ZNF808: variants seen among roughly 807,000 people sequenced by gnomAD.
The protein encoded by ZNF808 is zinc finger protein 808.
A neutral mutation model predicts 8.7 loss-of-function variants in ZNF808; 5 were observed. That is an observed-to-expected ratio of 0.58 (90% CI 0.30 to 1.21). ZNF808 has a LOEUF of 1.21. Among genes scored for constraint, ZNF808 ranks in the 50% most tolerant of loss-of-function variants. The pLI is 0.07. For synonymous variants in ZNF808, 380 were observed against 366.0 expected (o/e 1.04, Z -0.44); for missense variants, 1,103 against 1,098.4 (o/e 1.00, Z -0.06).
intron 4 of ZNF808, among the ~76,000 whole-genome samples, chr19:52,551,467 C>T (rs1025869436): frequency 1.6e-4 from 24 of 151,832 alleles, no homozygotes; most frequent in African/African-American, 5.8e-4. Flanking sequence ...TGACCTCATA[C>T]ATCAGAAGGT....
In ZNF808 at chr19:52,555,350, A is replaced by C. The variant is rs775815648; in HGVS notation, c.2434A>C (p.Ile812Leu). The change falls in exon 5 of 5, where the codon ATT (isoleucine) becomes CTT (leucine). Residue 812 changes from isoleucine (I) to leucine (L), a missense_variant. Transcript: ENST00000359798. Reference protein sequence around the residue: ...RNSYLARHIRIHTAEKPYKCN... With the variant: ...RNSYLARHIRLHTAEKPYKCN... ...TTCATACCTGGCAAGACATATTAGA[A>C]TTCACACTGCAGAGAAACCTTACAA... 6.2e-7 allele frequency: 1 copy of C among 1,614,198 alleles called. No individual in the cohort carries two copies. The highest frequency in any genetic ancestry group is 8.5e-7 in the Non-Finnish European group (1 of 1,180,034).
intron 2 of ZNF808, among the ~76,000 whole-genome samples, chr19:52,539,205 A>G (rs983507899): frequency 3.5e-4 from 14 of 39,676 alleles, no homozygotes; most frequent in African/African-American, 1.3e-3. Flanking sequence ...TTTTTTTTTT[A>G]ATTTTTGAGA....
At chr19:52,551,722 A>C (rs1011714320) in intron 4 of ZNF808, among the ~76,000 whole-genome samples, 3 of 152,136 alleles carry the variant, frequency 2.0e-5, no homozygotes, top group Non-Finnish European at 4.4e-5. Context: ...ACAAAGTGCC[A>C]CCAGGTGCAG....
chr19:52,540,659 C>G (rs2059661638), intron 2 of ZNF808, among the ~76,000 whole-genome samples: 1 of 152,090 alleles, frequency 6.6e-6, no homozygotes, highest in African/African-American at 2.4e-5. Flanking sequence ...TCAATTCCCT[C>G]TGGTCCATAA....
At chr19:52,547,376 C>G in intron 3 of ZNF808, 136 bp from the exon 4 acceptor site, 1 of 1,517,924 alleles carries the variant, frequency 6.6e-7, no homozygotes, top group South Asian at 1.3e-5. Context: ...AAAAAATAGT[C>G]AAAAATACCT....
intron 4 of ZNF808, among the ~76,000 whole-genome samples, chr19:52,552,403 A>C (rs2059786175): frequency 1.3e-5 from 2 of 149,204 alleles, no homozygotes; most frequent in Admixed American, 6.7e-5. Context: ...TATTGTACTA[A>C]CTTTTTTCTT....
At chr19:52,543,404 GTATTA>G (rs1177848003) in intron 3 of ZNF808, 57 bp downstream of exon 3, 73 of 1,587,184 alleles carry the variant, frequency 4.6e-5, no homozygotes, top group South Asian at 9.0e-5. Flanking sequence ...AAATGTAGTA[GTATTA>G]TATTGTATTG....
In ZNF808 at chr19:52,543,264, A is replaced by C; in HGVS notation, c.-19-2A>C. ...TGAAGTCTTATTTTTTTTCACATAC[A>C]GGATTGATTTCTAAAGACTCATGTT... On this transcript the variant is annotated splice_acceptor_variant, in intron 2 of 4. Transcript: ENST00000359798. LOFTEE classifies it low-confidence loss of function (5UTR_SPLICE). The C allele has an allele frequency of 6.2e-7, 1 of 1,612,066 alleles. No homozygotes were observed. Among genetic ancestry groups the C allele is most frequent in the African/African-American group, 1.3e-5 (1 of 74,888 alleles).
At chr19:52,540,355 G>A (rs1442611169) in intron 2 of ZNF808, among the ~76,000 whole-genome samples, 1 of 151,988 alleles carries the variant, frequency 6.6e-6, no homozygotes, top group Non-Finnish European at 1.5e-5. Flanking sequence ...TTCTCCTTTG[G>A]CCCAAGATTT....
intron 2 of ZNF808, among the ~76,000 whole-genome samples, chr19:52,542,588 G>C (rs1424651328): frequency 1.2e-5 from 1 of 81,214 alleles, no homozygotes; most frequent in African/African-American, 1.1e-4. Context: ...ATCTTACAGA[G>C]ATCTCAGTTA....
rs1170359401 is a variant in ZNF808 at position 52,553,707 on chromosome 19, G to A, written c.791G>A (p.Cys264Tyr). Residue 264 changes from cysteine to tyrosine, a missense_variant, in exon 5 of 5, where the codon TGT (cysteine) becomes TAT (tyrosine). By Grantham distance (194) the Cys-to-Tyr change is radical. Coordinates refer to ENST00000359798, the MANE Select transcript of ZNF808 (RefSeq NM_001039886.4). ...GACAAACAATATAAATGTGATGTAT[G>A]TGGCAAGCTCTTTAATCACAAGCAA... ...LGDKQYKCDV[C>Y]GKLFNHKQYL... 2 of 1,614,128 alleles carry A rather than the reference G, an allele frequency of 1.2e-6. No individual in the cohort carries two copies. Among genetic ancestry groups the A allele is most frequent in the Admixed American group, 3.3e-5 (2 of 60,008 alleles).
At position 52,554,784 on chromosome 19, in the gene ZNF808, A is replaced by G; in HGVS notation, c.1868A>G (p.Tyr623Cys). Residue 623 changes from tyrosine (Y) to cysteine (C), a missense_variant, in exon 5 of 5, where the codon TAC becomes TGC. Tyr to Cys is a radical substitution (Grantham distance 194). Transcript: ENST00000359798. Reference sequence around the variant, plus strand: ...AGAATTCATACTGGAGAGAAACCATACAGATGTCAGGTTTGTGACACAGCT... The same window carrying G: ...AGAATTCATACTGGAGAGAAACCATGCAGATGTCAGGTTTGTGACACAGCT... ...HKRIHTGEKP[Y>C]RCQVCDTAFT... is the part of the protein sequence containing the mutation. The G allele has an allele frequency of 6.2e-7, 1 of 1,613,898 alleles. No homozygotes were observed. The highest frequency in any genetic ancestry group is 8.5e-7 in the Non-Finnish European group (1 of 1,179,950).
At chr19:52,559,892 C>T (rs372515464), downstream of ZNF808, among the ~76,000 whole-genome samples, 82 of 152,116 alleles carry the variant, frequency 5.4e-4, no homozygotes, top group Admixed American at 1.4e-3. Context: ...ACGCTTGTAA[C>T]GGCATGATGT....
At chr19:52,559,309 T>A (rs1045201910), downstream of ZNF808, among the ~76,000 whole-genome samples, 1 of 152,030 alleles carries the variant, frequency 6.6e-6, no homozygotes, top group Non-Finnish European at 1.5e-5. Flanking sequence ...GCAGTACTGC[T>A]CTTTAAGGCA....
chr19:52,535,286 G>A lies in ZNF808; in HGVS notation c.-20+2277G>A, dbSNP rs575351251. Among the ~76,000 whole-genome samples the A allele has an allele frequency of 5.9e-5, 8 of 136,534 alleles. No individual in the cohort carries two copies. In the East Asian group the frequency reaches 1.3e-3, roughly 23 times the overall value. 89.6% of individuals were successfully genotyped at this position (136,534 alleles called of 152,430 possible). A position where few individuals can be genotyped will look rare whatever the true frequency, so the allele number is the denominator to read the frequency against. On this transcript the variant is annotated intron_variant, in intron 2 of 4. Transcript: ENST00000359798. ...GCGGAGCTTGCAGTGAGCCAAAATC[G>A]TGCCACTGCACTCCAGCCTGGGTGA...
At position 52,554,376 on chromosome 19, in the gene ZNF808, A is replaced by T. The variant is rs1275561267; in HGVS notation, c.1460A>T (p.Glu487Val). ...GGAGAGAAAACTTACAAGTGTAATG[A>T]GTGTCGCAAGACCTTCAGCCGCAGG... ...HTGEKTYKCNECRKTFSRRSS... is the reference protein window; with the variant it reads ...HTGEKTYKCNVCRKTFSRRSS... Residue 487 changes from glutamate (E) to valine (V), a missense_variant, in exon 5 of 5, where the codon GAG becomes GTG. Transcript: ENST00000359798. The T allele has an allele frequency of 6.2e-7, 1 of 1,613,818 alleles. No homozygotes were observed. The highest frequency in any genetic ancestry group is 1.3e-5 in the African/African-American group (1 of 74,850).
Position 52,529,909 on chromosome 19 carries a change from A to T in ZNF808, c.-122+2198A>T, listed in dbSNP as rs1470642973. Among the ~76,000 whole-genome samples the T allele has an allele frequency of 2.5e-3, 341 of 134,220 alleles. 1 individual carries two copies. The highest frequency in any genetic ancestry group is 8.5e-3 in the African/African-American group (272 of 31,980). 88.1% of individuals were successfully genotyped at this position (134,220 alleles called of 152,430 possible). A position where few individuals can be genotyped will look rare whatever the true frequency, so the allele number is the denominator to read the frequency against. On this transcript the variant is annotated intron_variant, in intron 1 of 4. Coordinates refer to ENST00000359798, the MANE Select transcript of ZNF808 (RefSeq NM_001039886.4). ...CTAGTTTACATATATATATATATAT[A>T]TATTTTTTTTTTTTGTAGAAACGTG...
chr19:52,549,925 A>G (rs2059759601), intron 4 of ZNF808, among the ~76,000 whole-genome samples: 1 of 152,154 alleles, frequency 6.6e-6, no homozygotes, highest in African/African-American at 2.4e-5. Flanking sequence ...ATGACTCAGC[A>G]CATGATCCAT....
intron 1 of ZNF808, among the ~76,000 whole-genome samples, chr19:52,528,102 C>T (rs1046322254): frequency 1.3e-5 from 2 of 152,120 alleles, no homozygotes; most frequent in Non-Finnish European, 2.9e-5. Context: ...CCCAGGGAGG[C>T]CGCGTCCTCT....
Sources: allele counts gnomAD v4.1 joint callset (sites outside exome capture counted in the v4.1 genomes callset), GRCh38; gene constraint gnomAD v4.1.1; transcripts MANE v1.5; gene names NCBI Gene and HGNC (gene_info 2026-07-23, HGNC 2026-07-21).